The following KALRN variants were observed in gnomAD, a reference collection of about 807,000 sequenced individuals.
KALRN encodes the protein kalirin.
A neutral mutation model predicts 353.7 loss-of-function variants in KALRN; 70 were observed. That is an observed-to-expected ratio of 0.20 (90% CI 0.16 to 0.24). The LOEUF (loss-of-function observed/expected upper bound fraction) is 0.24. Among genes scored for constraint, KALRN ranks in the 10% least tolerant of loss-of-function variants. The probability of loss-of-function intolerance (pLI) is 1.00; values close to 1 mark genes in which losing one functional copy is unlikely to be tolerated. For missense variants in KALRN, 2,791 were observed against 3,756.7 expected (o/e 0.74, Z 6.72); for synonymous variants, 1,391 against 1,434.8 (o/e 0.97, Z 0.69).
chr3:124,628,742 A>AT (rs58523719), intron 34 of KALRN, among the ~76,000 whole-genome samples: 5,333 of 99,788 alleles, frequency 0.053, 906 homozygotes, highest in African/African-American at 0.17. Context: ...CACCTGGCTA[A>AT]TTTTTTTTTT....
intron 1 of KALRN, among the ~76,000 whole-genome samples, chr3:124,038,729 G>A (rs760859265): frequency 2.0e-5 from 3 of 152,228 alleles, no homozygotes; most frequent in Non-Finnish European, 4.4e-5. Context: ...CAGTTACTTG[G>A]GCTTCAGCCA....
In KALRN at chr3:124,152,165, G is replaced by A. The variant is rs117722405; in HGVS notation, c.74-75825G>A. The stretch of plus-strand genomic sequence containing the variant: ...CTTCCTGCAGATGATGCAAGAGATC[G>A]AACAATCAAAGTGTTATCTGTCAAA... On this transcript the variant is annotated intron_variant, in intron 1 of 59. Transcript: ENST00000682506. 9,644 of 1,487,354 alleles carry A rather than the reference G, an allele frequency of 6.5e-3. 477 individuals are homozygous for A. The Admixed American group carries it at 0.11, about 16-fold the overall frequency. The allele number at this position is 1,487,354 out of a possible 1,614,324, so 92.1% of individuals were successfully genotyped here. A position where few individuals can be genotyped will look rare whatever the true frequency, so the allele number is the denominator to read the frequency against.
At chr3:124,349,217 G>A (rs2082592800) in intron 10 of KALRN, among the ~76,000 whole-genome samples, 1 of 152,164 alleles carries the variant, frequency 6.6e-6, no homozygotes, top group Non-Finnish European at 1.5e-5. Context: ...AGTGAAATAA[G>A]CCAGTCACAA....
chr3:124,653,512 G>GA (rs1376795928), intron 38 of KALRN, among the ~76,000 whole-genome samples: 33 of 150,556 alleles, frequency 2.2e-4, no homozygotes, highest in African/African-American at 3.9e-4. Context: ...ACAAGAAAAA[G>GA]AAAAAAAAAT....
At chr3:124,215,771 C>G (rs1319990120) in intron 1 of KALRN, among the ~76,000 whole-genome samples, 1 of 152,172 alleles carries the variant, frequency 6.6e-6, no homozygotes, top group Admixed American at 6.5e-5. Flanking sequence ...CCTGGGAGAG[C>G]TTGCTGTCTT....
At chr3:124,567,605 C>T (rs1432211094) in intron 34 of KALRN, among the ~76,000 whole-genome samples, 2 of 152,132 alleles carry the variant, frequency 1.3e-5, no homozygotes, top group Non-Finnish European at 2.9e-5. Context: ...ACAGGCCCCT[C>T]TCACTTTCAC....
At position 124,120,711 on chromosome 3, in the gene KALRN, A is replaced by AATATATATATAT. The variant is rs368470724; in HGVS notation, c.73+86921_73+86932dup. 3.6e-3 allele frequency among the ~76,000 whole-genome samples: 355 copies of AATATATATATAT among 98,816 alleles called. 1 individual carries two copies. The highest frequency in any genetic ancestry group is 6.4e-3 in the African/African-American group (149 of 23,462). 64.8% of individuals were successfully genotyped at this position (98,816 alleles called of 152,430 possible). ...TTACAATCCAGATAGGAATACTAAA[A>AATATATATATAT]ATATATATATATATATATATATATA... On this transcript the variant is annotated intron_variant, in intron 1 of 59. Coordinates refer to ENST00000682506, the MANE Select transcript of KALRN (RefSeq NM_001388419.1).
At chr3:124,251,535 A>T (rs750465513) in intron 3 of KALRN, among the ~76,000 whole-genome samples, 5 of 151,692 alleles carry the variant, frequency 3.3e-5, no homozygotes, top group Non-Finnish European at 7.4e-5. Context: ...TTGCCCAGCT[A>T]CTTTTGGTAT....
chr3:124,081,485 A>C (rs149092515), intron 1 of KALRN, among the ~76,000 whole-genome samples: 68 of 152,318 alleles, frequency 4.5e-4, no homozygotes, highest in African/African-American at 1.3e-3. Context: ...AAAAGAGGTA[A>C]AGGGGCCGGG....
intron 51 of KALRN, among the ~76,000 whole-genome samples, chr3:124,680,340 T>A (rs992106837): frequency 1.3e-5 from 2 of 152,268 alleles, no homozygotes; most frequent in African/African-American, 4.8e-5. Flanking sequence ...TATAGAAACG[T>A]GGCTCTTACG....
chr3:124,155,308 A>T (rs190126996), intron 1 of KALRN, among the ~76,000 whole-genome samples: 7 of 152,156 alleles, frequency 4.6e-5, no homozygotes, highest in Admixed American at 4.6e-4. Flanking sequence ...TTTTGTCATC[A>T]GTAGACTTGA....
At chr3:124,246,222 C>T (rs1391357785) in intron 3 of KALRN, among the ~76,000 whole-genome samples, 1 of 152,232 alleles carries the variant, frequency 6.6e-6, no homozygotes, top group African/African-American at 2.4e-5. Flanking sequence ...TCACCATTGC[C>T]CAGGCACCAT....
intron 3 of KALRN, among the ~76,000 whole-genome samples, chr3:124,261,863 T>C (rs1029052613): frequency 2.0e-5 from 3 of 152,142 alleles, no homozygotes; most frequent in Non-Finnish European, 4.4e-5. Context: ...TAAGCTAAAC[T>C]AAATGATGCT....
intron 33 of KALRN, among the ~76,000 whole-genome samples, chr3:124,527,614 G>A (rs974795239): frequency 6.9e-4 from 104 of 150,750 alleles, no homozygotes; most frequent in African/African-American, 2.4e-3. Flanking sequence ...AAAAAAAAAA[G>A]AAGAAGAAGA....
At chr3:124,580,992 C>T (rs1484520679) in intron 34 of KALRN, among the ~76,000 whole-genome samples, 1 of 138,472 alleles carries the variant, frequency 7.2e-6, no homozygotes, top group Admixed American at 7.4e-5. Context: ...AAAGGATTTC[C>T]TTGTTAGGTT....
intron 34 of KALRN, among the ~76,000 whole-genome samples, chr3:124,577,841 C>T (rs764068778): frequency 2.0e-5 from 3 of 150,772 alleles, no homozygotes; most frequent in Non-Finnish European, 4.4e-5. Context: ...GCCTGGATGA[C>T]AGAGCAAGAC....
intron 37 of KALRN, among the ~76,000 whole-genome samples, chr3:124,650,061 C>T (rs188066792): frequency 6.6e-6 from 1 of 151,952 alleles, no homozygotes; most frequent in African/African-American, 2.4e-5. Context: ...CCAACTTGAC[C>T]TTACTCTCCA....
chr3:124,484,511 G>T (rs1480623891), intron 28 of KALRN, among the ~76,000 whole-genome samples: 3 of 152,202 alleles, frequency 2.0e-5, no homozygotes, highest in Non-Finnish European at 4.4e-5. Context: ...AAAAGAGTGT[G>T]CAGCCACCCC....
At chr3:124,076,225 C>A (rs2060251907) in intron 1 of KALRN, among the ~76,000 whole-genome samples, 1 of 152,048 alleles carries the variant, frequency 6.6e-6, no homozygotes, top group Non-Finnish European at 1.5e-5. Flanking sequence ...AGATGCAGAC[C>A]CAAGGGAAGC....
Sources: allele counts gnomAD v4.1 joint callset (sites outside exome capture counted in the v4.1 genomes callset), GRCh38; gene constraint gnomAD v4.1.1; transcripts MANE v1.5; gene names NCBI Gene and HGNC (gene_info 2026-07-23, HGNC 2026-07-21).